Variants in RHBDF1 observed in about 807,000 individuals in gnomAD.
The protein encoded by RHBDF1 is inactive rhomboid protein 1.
A neutral mutation model predicts 98.6 loss-of-function variants in RHBDF1; 80 were observed. The ratio of observed to expected loss-of-function variants is 0.81; its 90% CI spans 0.68 to 0.98. RHBDF1 has a LOEUF of 0.98. RHBDF1 is among the 50% of genes least tolerant of loss of function. The pLI, the probability that RHBDF1 is intolerant of heterozygous loss-of-function variation, is 0.00. For missense variants in RHBDF1, 1,116 were observed against 1,198.3 expected (o/e 0.93, Z 1.01); for synonymous variants, 512 against 486.8 (o/e 1.05, Z -0.68).
upstream of RHBDF1, chr16:72,741 C>CCTCCCGGAAG (rs1411312025): frequency 1.4e-5 from 14 of 970,564 alleles, no homozygotes; most frequent in Non-Finnish European, 1.5e-5. Context: ...CAAGTCACCT[C>CCTCCCGGAAG]CTCCCGGAAG....
intron 7 of RHBDF1, 94 bp downstream of exon 7, chr16:62,444 A>C (rs1473161754): frequency 1.2e-5 from 18 of 1,491,348 alleles, no homozygotes; most frequent in East Asian, 2.3e-5. Flanking sequence ...TACCCCTTCC[A>C]TCGCCCACAG....
At chr16:65,088 G>C in intron 1 of RHBDF1, 49 bp from the exon 2 acceptor site, 1 of 1,478,976 alleles carries the variant, frequency 6.8e-7, no homozygotes, top group Non-Finnish European at 8.9e-7. Flanking sequence ...GACATCTGAA[G>C]ATTCATTGCA....
chr16:67,022 G>A (rs1051811813), intron 1 of RHBDF1, among the ~76,000 whole-genome samples: 7 of 152,170 alleles, frequency 4.6e-5, no homozygotes, highest in Admixed American at 3.9e-4. Context: ...CAGCCACAGC[G>A]TGAAGGGGTC....
At position 59,253 on chromosome 16, in the gene RHBDF1, C is replaced by T. The variant is rs1237895842; in HGVS notation, c.1990G>A (p.Ala664Thr). 38 of 1,600,368 alleles carry T rather than the reference C, an allele frequency of 2.4e-5. No homozygotes were observed. The highest frequency in any genetic ancestry group is 3.1e-5 in the Non-Finnish European group (36 of 1,171,942). ...CCGGCCCACAGTGTCACTTGCCCGG[C>T]GTGCAGGAAGAGGGATAGCCACAGG... Reference protein sequence around the residue: ...YRLWLSLFLHAGILHCLVSIC... With the variant: ...YRLWLSLFLHTGILHCLVSIC... Residue 664 changes from alanine (A) to threonine (T), a missense_variant, in exon 16 of 18, where the codon GCC (alanine) becomes ACC (threonine). Physicochemically the swap from Ala to Thr is moderately conservative, Grantham distance 58 (BLOSUM62 0). Coordinates refer to ENST00000262316, the MANE Select transcript of RHBDF1 (RefSeq NM_022450.5).
intron 14 of RHBDF1, 46 bp from the exon 15 acceptor site, chr16:59,540 G>C: frequency 6.3e-7 from 1 of 1,582,862 alleles, no homozygotes; most frequent in Non-Finnish European, 8.6e-7. Context: ...TTGCAGAGGG[G>C]GATTGCTGGC....
chr16:64,009 AG>A (rs1897749549), intron 3 of RHBDF1: 1 of 720,258 alleles, frequency 1.4e-6, no homozygotes, highest in Admixed American at 2.1e-5. Flanking sequence ...ACTAGACCGC[AG>A]CTGGCCTTGC....
At chr16:74,503 G>A (rs1056935070), upstream of RHBDF1, among the ~76,000 whole-genome samples, 9 of 152,258 alleles carry the variant, frequency 5.9e-5, no homozygotes, top group Non-Finnish European at 1.2e-4. Flanking sequence ...CCGCACCCAG[G>A]AGTCACCTTC....
upstream of RHBDF1, among the ~76,000 whole-genome samples, chr16:73,466 G>T (rs1338384707): frequency 2.6e-5 from 4 of 152,154 alleles, no homozygotes; most frequent in Non-Finnish European, 5.9e-5. Flanking sequence ...TCATATCCCT[G>T]CACAATCTGG....
chr16:59,290 G>A lies in RHBDF1; in HGVS notation c.1953C>T (p.Asp651=), dbSNP rs116064244. 1.9e-3 allele frequency: 3,072 copies of A among 1,611,400 alleles called. 58 individuals are homozygous for A. The African/African-American group carries it at 0.036, about 19-fold the overall frequency. The change falls in exon 16 of 18, where the codon GAC becomes GAT. Residue 651 remains aspartate, a synonymous_variant. Coordinates refer to ENST00000262316, the MANE Select transcript of RHBDF1 (RefSeq NM_022450.5). Reference sequence around the variant, plus strand: ...GGGATAGCCACAGGCGGTAGAACTGGTCAGGCACCTCGGGGTTGAGAAAAG... The same window carrying A: ...GGGATAGCCACAGGCGGTAGAACTGATCAGGCACCTCGGGGTTGAGAAAAG... ...LLPFLNPEVP[D]QFYRLWLSLF...
Position 61,639 on chromosome 16 carries a change from C to T in RHBDF1, c.1266G>A (p.Val422=), listed in dbSNP as rs536221322. The T allele has an allele frequency of 8.7e-5, 140 of 1,613,438 alleles. No individual in the cohort carries two copies. The highest frequency in any genetic ancestry group is 1.1e-4 in the Non-Finnish European group (135 of 1,179,934). ...CCACGGGCGCGATGCCATAGATGCA[C>T]ACGGCTAGGATGGTGACGAGCGAGT... The part of the protein sequence containing the change: ...FVHSLVTILA[V]CIYGIAPVGF... The change falls in exon 9 of 18, where the codon GTG becomes GTA. Residue 422 remains valine (V), a synonymous_variant. Transcript: ENST00000262316.
At chr16:62,368 C>T (rs1261334097) in intron 7 of RHBDF1, among the ~76,000 whole-genome samples, 170 bp downstream of exon 7, 7 of 152,200 alleles carry the variant, frequency 4.6e-5, no homozygotes. Context: ...AGACTGGGGC[C>T]ATGCCCAGCT....
Position 63,642 on chromosome 16 carries a change from C to T in RHBDF1, c.407G>A (p.Ser136Asn), listed in dbSNP as rs972951087. Residue 136 changes from serine to asparagine, a missense_variant, in exon 4 of 18, where the codon AGC becomes AAC. By Grantham distance (46) the Ser-to-Asn change is conservative (BLOSUM62 1). Transcript: ENST00000262316. ...LPSQDNVSLT[S>N]TETPPPLYVG... ...GTAGAGTGGGGGTGGCGTCTCGGTGCTGGTCAGCGACACGTTGTCCTGGCT... is the reference window on the plus strand; with the variant it reads ...GTAGAGTGGGGGTGGCGTCTCGGTGTTGGTCAGCGACACGTTGTCCTGGCT... The T allele has an allele frequency of 1.2e-6, 2 of 1,602,278 alleles. No homozygotes were observed. The highest frequency in any genetic ancestry group is 3.4e-5 in the Admixed American group (2 of 58,616).
Position 60,470 on chromosome 16 carries a change from G to A in RHBDF1, c.1627C>T (p.Gln543Ter), listed in dbSNP as rs1159255179. The change falls in exon 12 of 18, where the codon CAG (glutamine) becomes TAG (stop). Residue 543 changes from glutamine (Q) to a stop codon, truncating the protein, a stop_gained. Transcript: ENST00000262316. LOFTEE classifies it high-confidence loss of function. ...TCCTGGTGGCAGACAGAGCCAAACTGTCTCTTGTGGCCCGCAAGCTCTGGG... is the reference window on the plus strand; with the variant it reads ...TCCTGGTGGCAGACAGAGCCAAACTATCTCTTGTGGCCCGCAAGCTCTGGG... Reference protein sequence around the residue: ...SAPELAGHKRQFGSVCHQDPR... With the variant: ...SAPELAGHKR The A allele has an allele frequency of 6.2e-7, 1 of 1,612,160 alleles. No homozygotes were observed. The highest frequency in any genetic ancestry group is 1.7e-5 in the Admixed American group (1 of 59,992).
intron 1 of RHBDF1, among the ~76,000 whole-genome samples, chr16:69,466 C>T (rs1391170558): frequency 6.6e-6 from 1 of 152,074 alleles, no homozygotes; most frequent in African/African-American, 2.4e-5. Context: ...GTGTCCTCAG[C>T]TCACATGAGC....
intron 14 of RHBDF1, 22 bp from the exon 15 acceptor site, chr16:59,516 C>G (rs374235219): frequency 6.2e-7 from 1 of 1,607,942 alleles, no homozygotes; most frequent in Non-Finnish European, 8.5e-7. Flanking sequence ...GGCCAGGGTT[C>G]GGAGACTGCT....
At position 59,224 on chromosome 16, in the gene RHBDF1, C is replaced by T. The variant is rs550217490; in HGVS notation, c.1994+25G>A. 31 of 1,590,878 alleles carry T rather than the reference C, an allele frequency of 1.9e-5. No homozygotes were observed. In the African/African-American group the frequency reaches 2.7e-4, roughly 14 times the overall value. ...CCAATCCTGAGGGCCCTGAGACCCC[C>T]GACCCGGCCCACAGTGTCACTTGCC... is the stretch of plus-strand genomic sequence containing the variant. On this transcript the variant is annotated intron_variant, in intron 16 of 17. Transcript: ENST00000262316.
In RHBDF1 at chr16:58,765, G is replaced by A. The variant is rs749599352; in HGVS notation, c.2149-6C>T. On this transcript the variant is annotated splice_region_variant and splice_polypyrimidine_tract_variant and intron_variant, in intron 17 of 17. Coordinates refer to ENST00000262316, the MANE Select transcript of RHBDF1 (RefSeq NM_022450.5). ...TGGGAGCCAGCAGGACCCACCTGGG[G>A]GATGGTTGGGGTAGCTGTAAGGCAG... 6.2e-7 allele frequency: 1 copy of A among 1,611,088 alleles called. No individual in the cohort carries two copies. Among genetic ancestry groups the A allele is most frequent in the Non-Finnish European group, 8.5e-7 (1 of 1,178,986 alleles).
chr16:58,513 G>A lies in RHBDF1; in HGVS notation c.2395C>T (p.Arg799Trp), dbSNP rs759973395. 1.4e-5 allele frequency: 22 copies of A among 1,613,950 alleles called. No individual in the cohort carries two copies. Among genetic ancestry groups the A allele is most frequent in the African/African-American group, 4.0e-5 (3 of 74,930 alleles). ...YISFGKFDLY[R>W]KRCQIIIFQV... ...AAGATGATGATCTGGCAGCGTTTCC[G>A]GTACAGGTCGAACTTGCCAAAGCTG... The change falls in exon 18 of 18, where the codon CGG becomes TGG. Residue 799 changes from arginine (R) to tryptophan (W), a missense_variant. Arg to Trp is a moderately radical substitution (Grantham distance 101, BLOSUM62 -3). Transcript: ENST00000262316.
intron 10 of RHBDF1, 48 bp from the exon 11 acceptor site, chr16:61,329 C>G (rs757355464): frequency 1.3e-6 from 2 of 1,543,394 alleles, no homozygotes; most frequent in Admixed American, 2.0e-5. Context: ...CTCCTGCCCC[C>G]GCCGGGCACC....
Sources: gnomAD v4.1 joint callset for allele counts (sites outside exome capture counted in the v4.1 genomes callset) on GRCh38, gnomAD v4.1.1 for gene constraint, MANE v1.5 for transcripts, NCBI Gene and HGNC (gene_info 2026-07-23, HGNC 2026-07-21) for gene names.